The following SIPA1L1 variants were observed in gnomAD, a reference collection of about 807,000 sequenced individuals.
The protein encoded by SIPA1L1 is signal-induced proliferation-associated 1-like protein 1.
SIPA1L1 carries 26 observed loss-of-function variants against 162.7 expected under a neutral mutation model. That is an observed-to-expected ratio of 0.16 (90% CI 0.12 to 0.22). The LOEUF (loss-of-function observed/expected upper bound fraction) is 0.22, where lower values mean the gene tolerates loss of function less well. SIPA1L1 is among the 10% of genes least tolerant of loss of function. The probability of loss-of-function intolerance (pLI) is 1.00; values close to 1 mark genes in which losing one functional copy is unlikely to be tolerated. For missense variants in SIPA1L1, 1,874 were observed against 2,241.0 expected (o/e 0.84, Z 3.31); for synonymous variants, 829 against 837.4 (o/e 0.99, Z 0.17).
chr14:71,419,797 A>C (rs887765250), intron 2 of SIPA1L1, among the ~76,000 whole-genome samples: 5 of 151,978 alleles, frequency 3.3e-5, no homozygotes, highest in African/African-American at 1.2e-4. Flanking sequence ...GCGCCCGGCC[A>C]AGGAGGATCT....
intron 2 of SIPA1L1, among the ~76,000 whole-genome samples, chr14:71,419,292 G>A (rs1054195312): frequency 3.3e-5 from 5 of 150,714 alleles, no homozygotes; most frequent in Middle Eastern, 3.4e-3. Flanking sequence ...GTCTGCTACC[G>A]ACCAGTGTTT....
intron 2 of SIPA1L1, among the ~76,000 whole-genome samples, chr14:71,402,932 A>G (rs1166101436): frequency 6.6e-6 from 1 of 152,198 alleles, no homozygotes; most frequent in East Asian, 1.9e-4. Context: ...GAACAGTTTT[A>G]TAACTGCCGC....
intron 2 of SIPA1L1, among the ~76,000 whole-genome samples, chr14:71,439,582 A>G (rs531255502): frequency 2.0e-5 from 3 of 152,356 alleles, no homozygotes; most frequent in Non-Finnish European, 4.4e-5. Context: ...ACATTAATTT[A>G]TCTTTCTAAG....
intron 2 of SIPA1L1, among the ~76,000 whole-genome samples, chr14:71,507,793 C>T (rs147680230): frequency 2.9e-4 from 44 of 152,192 alleles, no homozygotes; most frequent in African/African-American, 9.9e-4. Context: ...TCAAGCTCCC[C>T]TAAAGCTATA....
chr14:71,465,235 G>T (rs2046905139), intron 2 of SIPA1L1, among the ~76,000 whole-genome samples: 1 of 152,192 alleles, frequency 6.6e-6, no homozygotes. Flanking sequence ...AACTTTTGTT[G>T]CAGGTCAGCC....
intron 10 of SIPA1L1, among the ~76,000 whole-genome samples, chr14:71,661,932 T>C (rs2043556335): frequency 6.6e-6 from 1 of 152,234 alleles, no homozygotes; most frequent in Non-Finnish European, 1.5e-5. Flanking sequence ...CTATACTTTA[T>C]TTAGCATTAT....
intron 4 of SIPA1L1, among the ~76,000 whole-genome samples, chr14:71,555,650 G>A (rs1243666529): frequency 3.3e-5 from 5 of 152,262 alleles, no homozygotes; most frequent in Admixed American, 1.3e-4. Context: ...ACTTTCAAAT[G>A]TCTTCCTCAC....
intron 12 of SIPA1L1, among the ~76,000 whole-genome samples, chr14:71,676,467 CTT>C (rs201499028): frequency 6.2e-4 from 86 of 138,092 alleles, no homozygotes; most frequent in Admixed American, 2.4e-3. Context: ...AGGCATTTTC[CTT>C]TTTTTTTTTT....
chr14:71,522,122 TTCTC>T (rs766788358), intron 3 of SIPA1L1, among the ~76,000 whole-genome samples: 1 of 152,234 alleles, frequency 6.6e-6, no homozygotes, highest in Non-Finnish European at 1.5e-5. Flanking sequence ...GGGTTGATAG[TTCTC>T]TCTCTTAGTT....
chr14:71,617,842 A>C (rs2039002930), intron 5 of SIPA1L1, among the ~76,000 whole-genome samples: 1 of 152,232 alleles, frequency 6.6e-6, no homozygotes, highest in South Asian at 2.1e-4. Context: ...GGAGGTTTGA[A>C]AAACAAATTA....
At chr14:71,513,433 T>C (rs996360291) in intron 3 of SIPA1L1, among the ~76,000 whole-genome samples, 1 of 152,142 alleles carries the variant, frequency 6.6e-6, no homozygotes, top group African/African-American at 2.4e-5. Flanking sequence ...AATATATTTA[T>C]ATGTGTAAAG....
Position 71,589,111 on chromosome 14 carries a change from C to T in SIPA1L1, c.1239C>T (p.Ser413=). Residue 413 remains serine (S), a synonymous_variant, in exon 5 of 24, where the codon AGC becomes AGT. Coordinates refer to ENST00000381232, the MANE Select transcript of SIPA1L1 (RefSeq NM_001386936.1). ...GDDKSNELVM[S]CPYFRNEIGG... ...ATAAAAGCAATGAGCTTGTAATGAG[C>T]TGTCCATATTTTCGGAATGAGATAG... The T allele has an allele frequency of 6.2e-7, 1 of 1,614,098 alleles. No individual in the cohort carries two copies. The highest frequency in any genetic ancestry group is 8.5e-7 in the Non-Finnish European group (1 of 1,179,982).
At chr14:71,696,111 G>A (rs903006474) in intron 13 of SIPA1L1, among the ~76,000 whole-genome samples, 18 of 152,086 alleles carry the variant, frequency 1.2e-4, no homozygotes, top group African/African-American at 2.7e-4. Context: ...CCACTAGTAC[G>A]TGGCCCCGCC....
intron 2 of SIPA1L1, among the ~76,000 whole-genome samples, chr14:71,383,863 A>G: frequency 6.6e-6 from 1 of 152,162 alleles, no homozygotes; most frequent in South Asian, 2.1e-4. Context: ...AACACATTTC[A>G]ACAGGAGATT....
intron 2 of SIPA1L1, among the ~76,000 whole-genome samples, chr14:71,354,462 AG>A (rs1298693167): frequency 1.3e-5 from 2 of 151,704 alleles, no homozygotes; most frequent in African/African-American, 4.8e-5. Context: ...ATTTTTGTAG[AG>A]GGGGGGTTTC....
chr14:71,687,137 A>G (rs1342382655), intron 13 of SIPA1L1, among the ~76,000 whole-genome samples: 1 of 152,272 alleles, frequency 6.6e-6, no homozygotes, highest in African/African-American at 2.4e-5. Context: ...ATTAAAACAG[A>G]CAAACCAAAA....
chr14:71,724,763 C>T lies in SIPA1L1; in HGVS notation c.4542C>T (p.Ser1514=), dbSNP rs781207289. ...CATCTCCTAAGCCAACCTCCAAGTC[C>T]ACCATTGAAGAAGATCTAAAGAAAC... ...LRASPKPTSK[S]TIEEDLKKLI... The change falls in exon 19 of 24, where the codon TCC becomes TCT. Residue 1514 remains serine (S), a synonymous_variant. Coordinates refer to ENST00000381232, the MANE Select transcript of SIPA1L1 (RefSeq NM_001386936.1). The T allele has an allele frequency of 3.7e-5, 59 of 1,614,034 alleles. No homozygotes were observed. The highest frequency in any genetic ancestry group is 4.9e-5 in the Non-Finnish European group (58 of 1,180,010).
chr14:71,623,905 C>A, intron 6 of SIPA1L1, 143 bp from the exon 7 acceptor site: 1 of 621,634 alleles, frequency 1.6e-6, no homozygotes, highest in East Asian at 2.7e-5. Flanking sequence ...TTTTCTCATT[C>A]TTTCTCCCTC....
intron 12 of SIPA1L1, among the ~76,000 whole-genome samples, chr14:71,684,047 G>T (rs76360993): frequency 1.0e-3 from 152 of 152,324 alleles, no homozygotes; most frequent in African/African-American, 3.5e-3. Flanking sequence ...GCCTTGGGCG[G>T]AGGGTCAGAT....
Sources: gnomAD v4.1 joint callset for allele counts (sites outside exome capture counted in the v4.1 genomes callset) on GRCh38, gnomAD v4.1.1 for gene constraint, MANE v1.5 for transcripts, NCBI Gene and HGNC (gene_info 2026-07-23, HGNC 2026-07-21) for gene names.